Variants in CYP19A1 observed in about 807,000 individuals in gnomAD.
CYP19A1 encodes the protein cytochrome P450 family 19 subfamily A member 1.
A neutral mutation model predicts 44.4 loss-of-function variants in CYP19A1; 32 were observed. The observed-to-expected ratio is 0.72, with a 90% CI of 0.54 to 0.97. The LOEUF is 0.97. CYP19A1 is among the 50% of genes least tolerant of loss of function. CYP19A1 has a pLI of 0.00. For synonymous variants in CYP19A1, 212 were observed against 215.6 expected, an observed-to-expected ratio of 0.98 and a Z score of 0.14; for missense variants, 598 against 637.8, an observed-to-expected ratio of 0.94 and a Z score of 0.67.
chr15:51,243,090 T>C lies in CYP19A1; in HGVS notation c.-38-140A>G, dbSNP rs1791895296. 4 of 668,220 alleles carry C rather than the reference T, an allele frequency of 6.0e-6. No homozygotes were observed. In the South Asian group the frequency reaches 6.3e-5, roughly 11 times the overall value. The allele number at this position is 668,220 out of a possible 1,614,324, so 41.4% of individuals were successfully genotyped here. On this transcript the variant is annotated intron_variant, in intron 1 of 9. Coordinates refer to ENST00000396402, the MANE Select transcript of CYP19A1 (RefSeq NM_000103.4). Reference sequence around the variant, plus strand: ...GATCAGACATTTAGGCAAGACTAATTTATGGTTACAAGTCAAAACAAGGAA... The same window carrying C: ...GATCAGACATTTAGGCAAGACTAATCTATGGTTACAAGTCAAAACAAGGAA...
intron 1 of CYP19A1, among the ~76,000 whole-genome samples, chr15:51,325,388 CT>C (rs1207335498): frequency 6.6e-6 from 1 of 152,166 alleles, no homozygotes; most frequent in Admixed American, 6.5e-5. Context: ...TTCGCCTCCC[CT>C]GCCACCCACT....
At chr15:51,260,213 T>G (rs1420191913) in intron 1 of CYP19A1, among the ~76,000 whole-genome samples, 1 of 152,186 alleles carries the variant, frequency 6.6e-6, no homozygotes, top group Non-Finnish European at 1.5e-5. Flanking sequence ...TCAGATGTAT[T>G]TTGAGTGTTT....
chr15:51,245,148 C>T (rs1050687641), intron 1 of CYP19A1, among the ~76,000 whole-genome samples: 62 of 152,096 alleles, frequency 4.1e-4, no homozygotes, highest in Admixed American at 4.0e-3. Flanking sequence ...TTGCTTTGCA[C>T]GGTTTTAGCT....
intron 3 of CYP19A1, among the ~76,000 whole-genome samples, chr15:51,228,472 C>G (rs1318768627): frequency 6.6e-6 from 1 of 152,238 alleles, no homozygotes; most frequent in African/African-American, 2.4e-5. Context: ...CCTGCCCCCT[C>G]CAGTGGAGTA....
intron 4 of CYP19A1, among the ~76,000 whole-genome samples, chr15:51,223,201 G>C (rs1250319660): frequency 2.6e-5 from 4 of 152,118 alleles, no homozygotes; most frequent in Non-Finnish European, 5.9e-5. Context: ...CCACTCATTA[G>C]CATTGCACTT....
chr15:51,294,441 CGCCCCGTCTG>C lies in CYP19A1; in HGVS notation c.-39+44044_-39+44053del, dbSNP rs1566915634. Among the ~76,000 whole-genome samples, 506 of 147,854 alleles carry C rather than the reference CGCCCCGTCTG, an allele frequency of 3.4e-3. 6 individuals carry two copies. The highest frequency in any genetic ancestry group is 0.012 in the African/African-American group (485 of 39,832). ...GTGAGGAGACCCTCCGCCTGGCAAC[CGCCCCGTCTG>C]AGAAGTGAGGAGCCCCTCCGCCCGG... On this transcript the variant is annotated intron_variant, in intron 1 of 9. Coordinates refer to ENST00000396402, the MANE Select transcript of CYP19A1 (RefSeq NM_000103.4).
intron 1 of CYP19A1, among the ~76,000 whole-genome samples, chr15:51,298,901 T>C (rs1043642356): frequency 1.3e-5 from 2 of 150,264 alleles, no homozygotes; most frequent in Non-Finnish European, 3.0e-5. Flanking sequence ...TTTCCTTAAA[T>C]GAGCAAAGCA....
chr15:51,280,867 C>T (rs753061447), intron 1 of CYP19A1, among the ~76,000 whole-genome samples: 2 of 152,204 alleles, frequency 1.3e-5, no homozygotes, highest in Non-Finnish European at 2.9e-5. Context: ...CACATCCTGA[C>T]CAACCACTGC....
intron 1 of CYP19A1, chr15:51,255,565 G>A (rs2034482008): frequency 6.6e-6 from 1 of 152,196 alleles, no homozygotes; most frequent in South Asian, 2.1e-4. Context: ...CTTCAGAACT[G>A]GGATCAGCAC....
chr15:51,306,872 G>A (rs1229369937), intron 1 of CYP19A1, among the ~76,000 whole-genome samples: 3 of 152,240 alleles, frequency 2.0e-5, no homozygotes, highest in Admixed American at 6.5e-5. Flanking sequence ...AAGGAAGGAT[G>A]ACTGTCCATC....
chr15:51,330,214 T>C lies in CYP19A1; in HGVS notation c.-39+8281A>G, dbSNP rs112470805. On this transcript the variant is annotated intron_variant, in intron 1 of 9. Coordinates refer to ENST00000396402, the MANE Select transcript of CYP19A1 (RefSeq NM_000103.4). ...TTGTGGAGAGCCCTGTGTATGAACATATCACATGGACCGAAGAATCGAGTC... is the reference window on the plus strand; with the variant it reads ...TTGTGGAGAGCCCTGTGTATGAACACATCACATGGACCGAAGAATCGAGTC... Among the ~76,000 whole-genome samples the C allele has an allele frequency of 3.8e-4, 58 of 152,102 alleles. 2 individuals are homozygous for C. Among genetic ancestry groups the C allele is most frequent in the African/African-American group, 1.4e-3 (58 of 41,486 alleles).
intron 1 of CYP19A1, among the ~76,000 whole-genome samples, chr15:51,277,558 T>G (rs994733027): frequency 6.6e-6 from 1 of 152,194 alleles, no homozygotes; most frequent in Non-Finnish European, 1.5e-5. Flanking sequence ...AGCTAAAGTT[T>G]GAAAGTAAAA....
At chr15:51,276,942 C>T (rs2035330326) in intron 1 of CYP19A1, among the ~76,000 whole-genome samples, 1 of 151,796 alleles carries the variant, frequency 6.6e-6, no homozygotes, top group South Asian at 2.1e-4. Flanking sequence ...GACAAAGCAT[C>T]CCATTTTCTG....
chr15:51,268,310 A>G (rs1233017920), intron 1 of CYP19A1, among the ~76,000 whole-genome samples: 2 of 152,190 alleles, frequency 1.3e-5, no homozygotes, highest in Non-Finnish European at 2.9e-5. Flanking sequence ...ATTATTGATC[A>G]GTTCGTGCTT....
At chr15:51,221,171 T>G (rs2141058501) in intron 5 of CYP19A1, among the ~76,000 whole-genome samples, 1 of 152,314 alleles carries the variant, frequency 6.6e-6, no homozygotes, top group Admixed American at 6.5e-5. Context: ...CAAAACAAAT[T>G]CTATTATTCA....
At chr15:51,214,571 T>A (rs7180552) in intron 8 of CYP19A1, among the ~76,000 whole-genome samples, 2 of 152,160 alleles carry the variant, frequency 1.3e-5, no homozygotes, top group East Asian at 3.9e-4. Flanking sequence ...AATGATAGAC[T>A]ATCACTTCCC....
At chr15:51,286,669 G>A (rs1432702191) in intron 1 of CYP19A1, among the ~76,000 whole-genome samples, 3 of 152,110 alleles carry the variant, frequency 2.0e-5, no homozygotes, top group Non-Finnish European at 4.4e-5. Context: ...CCCTTAAGAA[G>A]ATACCACCAC....
At chr15:51,237,477 T>A (rs1369749714) in intron 2 of CYP19A1, among the ~76,000 whole-genome samples, 1 of 152,180 alleles carries the variant, frequency 6.6e-6, no homozygotes, top group Non-Finnish European at 1.5e-5. Context: ...TTAAAACTGG[T>A]CTGTAGTTTT....
chr15:51,245,913 G>C lies in CYP19A1; in HGVS notation c.-38-2963C>G, dbSNP rs1010248509. On this transcript the variant is annotated intron_variant, in intron 1 of 9. Coordinates refer to ENST00000396402, the MANE Select transcript of CYP19A1 (RefSeq NM_000103.4). Reference sequence around the variant, plus strand: ...CAGAGCTGGAATTGGGGCCTAGGTGGTCTGTCTCCAGAGCCCATGCTCTTT... The same window carrying C: ...CAGAGCTGGAATTGGGGCCTAGGTGCTCTGTCTCCAGAGCCCATGCTCTTT... 6.6e-5 allele frequency among the ~76,000 whole-genome samples: 10 copies of C among 152,236 alleles called. 1 individual carries two copies. Among genetic ancestry groups the C allele is most frequent in the Non-Finnish European group, 1.3e-4 (9 of 68,046 alleles).
Sources: gnomAD v4.1 joint callset for allele counts (sites outside exome capture counted in the v4.1 genomes callset) on GRCh38, gnomAD v4.1.1 for gene constraint, MANE v1.5 for transcripts, NCBI Gene and HGNC (gene_info 2026-07-23, HGNC 2026-07-21) for gene names.